The following KCNK1 variants were observed in gnomAD, a reference collection of about 807,000 sequenced individuals.
KCNK1 encodes the protein potassium channel subfamily K member 1.
Under a neutral mutation model 22.2 loss-of-function variants are expected in KCNK1, and 10 were observed. The observed-to-expected ratio is 0.45, with a 90% CI of 0.28 to 0.76. The LOEUF (loss-of-function observed/expected upper bound fraction) is 0.76. KCNK1 is among the 30% of genes least tolerant of loss of function. KCNK1 has a pLI of 0.14. For synonymous variants in KCNK1, 200 were observed against 186.4 expected (o/e 1.07, Z -0.60); for missense variants, 378 against 421.0 (o/e 0.90, Z 0.89).
chr1:233,651,731 G>A (rs944034770), intron 1 of KCNK1, among the ~76,000 whole-genome samples: 4 of 152,212 alleles, frequency 2.6e-5, no homozygotes, highest in Admixed American at 6.5e-5. Flanking sequence ...AGGCAGATGG[G>A]AGCAGGACGT....
At chr1:233,651,518 C>T (rs903628458) in intron 1 of KCNK1, among the ~76,000 whole-genome samples, 5 of 152,248 alleles carry the variant, frequency 3.3e-5, no homozygotes, top group Non-Finnish European at 7.4e-5. Context: ...CTTATCTTCA[C>T]TCTGTTGTCC....
intron 1 of KCNK1, among the ~76,000 whole-genome samples, chr1:233,643,452 G>A (rs1403796965): frequency 6.6e-6 from 1 of 152,190 alleles, no homozygotes; most frequent in Non-Finnish European, 1.5e-5. Flanking sequence ...CATTTTCTGT[G>A]ATGAGCTTCT....
At chr1:233,622,148 CTG>C (rs912377580) in intron 1 of KCNK1, among the ~76,000 whole-genome samples, 7 of 152,148 alleles carry the variant, frequency 4.6e-5, no homozygotes, top group Non-Finnish European at 5.9e-5. Flanking sequence ...TGGACTGTTG[CTG>C]TGTGTGAGTG....
intron 1 of KCNK1, 37 bp downstream of exon 1, chr1:233,614,563 A>C (rs1657448827): frequency 6.7e-7 from 1 of 1,481,920 alleles, no homozygotes; most frequent in Non-Finnish European, 9.1e-7. Flanking sequence ...CGCCCCGGCC[A>C]CCTCGCCCAC....
At position 233,666,972 on chromosome 1, in the gene KCNK1, T is replaced by C. The variant is rs1571906150; in HGVS notation, c.733T>C (p.Tyr245His). The change falls in exon 2 of 3, where the codon TAT becomes CAT. Residue 245 changes from tyrosine (Y) to histidine (H), a missense_variant. Tyr to His is a moderately conservative substitution (Grantham distance 83). Transcript: ENST00000366621. ...CTACAATCAAAAATTCAGAGAGCTCTATAAGATTGGGATCACGTGTGAGTA... is the reference window on the plus strand; with the variant it reads ...CTACAATCAAAAATTCAGAGAGCTCCATAAGATTGGGATCACGTGTGAGTA... ...EGYNQKFREL[Y>H]KIGITCYLLL... 1 of 1,611,510 alleles carries C rather than the reference T, an allele frequency of 6.2e-7. No individual in the cohort carries two copies.
chr1:233,632,291 T>C (rs1657811664), intron 1 of KCNK1, among the ~76,000 whole-genome samples: 1 of 152,176 alleles, frequency 6.6e-6, no homozygotes, highest in African/African-American at 2.4e-5. Flanking sequence ...TCTACTCTTT[T>C]TTTTCTCCCT....
At chr1:233,662,236 CTCCTT>C (rs1658406661) in intron 1 of KCNK1, among the ~76,000 whole-genome samples, 2 of 95,272 alleles carry the variant, frequency 2.1e-5, no homozygotes, top group African/African-American at 3.7e-5. Context: ...TCTTCTTCTT[CTCCTT>C]CTTCTTCTTC....
intron 1 of KCNK1, among the ~76,000 whole-genome samples, chr1:233,643,523 G>A (rs1010724366): frequency 6.6e-6 from 1 of 152,118 alleles, no homozygotes; most frequent in African/African-American, 2.4e-5. Context: ...CTCCTCCCAG[G>A]CAGTGCTTCT....
intron 2 of KCNK1, 149 bp downstream of exon 2, chr1:233,667,139 G>A (rs12742872): frequency 0.18 from 92,396 of 525,712 alleles, 8,715 homozygotes; most frequent in Admixed American, 0.25. Flanking sequence ...CGCCTTCCGG[G>A]TTCAAGGGAT....
chr1:233,643,973 T>A (rs1658046154), intron 1 of KCNK1, among the ~76,000 whole-genome samples: 1 of 152,238 alleles, frequency 6.6e-6, no homozygotes, highest in South Asian at 2.1e-4. Flanking sequence ...TCAGGAGGGT[T>A]CATGGTGCTT....
intron 1 of KCNK1, among the ~76,000 whole-genome samples, chr1:233,666,298 A>G (rs1402457895): frequency 6.6e-6 from 1 of 152,152 alleles, no homozygotes; most frequent in African/African-American, 2.4e-5. Context: ...TTAGCTTCTT[A>G]GTACACAGAA....
At chr1:233,637,924 T>A (rs1373354314) in intron 1 of KCNK1, among the ~76,000 whole-genome samples, 1 of 152,060 alleles carries the variant, frequency 6.6e-6, no homozygotes, top group East Asian at 1.9e-4. Context: ...GACTCAGTAG[T>A]ATATTTAATA....
At position 233,614,318 on chromosome 1, in the gene KCNK1, G is replaced by A. The variant is rs745572054; in HGVS notation, c.147G>A (p.Glu49=). ...TCTCCTCGGTGGAGCTGCCCTATGAGGACCTGCTGCGCCAGGAGCTGCGCA... is the reference window on the plus strand; with the variant it reads ...TCTCCTCGGTGGAGCTGCCCTATGAAGACCTGCTGCGCCAGGAGCTGCGCA... ...VVFSSVELPY[E]DLLRQELRKL... Residue 49 remains glutamate, a synonymous_variant, in exon 1 of 3, where the codon GAG becomes GAA. Transcript: ENST00000366621. The A allele has an allele frequency of 3.1e-6, 5 of 1,612,232 alleles. No individual in the cohort carries two copies. In the African/African-American group the frequency reaches 4.0e-5, roughly 13 times the overall value.
chr1:233,653,937 G>A (rs1319391954), intron 1 of KCNK1, among the ~76,000 whole-genome samples: 1 of 152,150 alleles, frequency 6.6e-6, no homozygotes, highest in Non-Finnish European at 1.5e-5. Flanking sequence ...TTGGAAATGG[G>A]TAATGGGTAG....
Position 233,614,122 on chromosome 1 carries a change from C to A in KCNK1, c.-50C>A. The A allele has an allele frequency of 2.3e-6, 3 of 1,319,972 alleles. No individual in the cohort carries two copies. The highest frequency in any genetic ancestry group is 2.9e-6 in the Non-Finnish European group (3 of 1,021,702). 81.8% of individuals were successfully genotyped at this position (1,319,972 alleles called of 1,614,324 possible). On this transcript the variant is annotated 5_prime_UTR_variant, in exon 1 of 3. Coordinates refer to ENST00000366621, the MANE Select transcript of KCNK1 (RefSeq NM_002245.4). ...GGCGGGGCCAGAAGAGGCGGCGGGC[C>A]GCGCTCCGGCCGGTCTGCGGCGTTG...
At chr1:233,630,513 C>T (rs982038613) in intron 1 of KCNK1, 1 of 152,106 alleles carries the variant, frequency 6.6e-6, no homozygotes, top group African/African-American at 2.4e-5. Context: ...TCTAGGGCTC[C>T]CAATATTACA....
chr1:233,649,088 C>T (rs1658153833), intron 1 of KCNK1, among the ~76,000 whole-genome samples: 1 of 152,186 alleles, frequency 6.6e-6, no homozygotes, highest in African/African-American at 2.4e-5. Flanking sequence ...GTCCTGTCAG[C>T]ATAGTCAAAC....
intron 1 of KCNK1, among the ~76,000 whole-genome samples, chr1:233,657,813 G>C (rs901636858): frequency 6.7e-6 from 1 of 148,942 alleles, no homozygotes; most frequent in Non-Finnish European, 1.5e-5. Context: ...TAACTTAAAA[G>C]TGTTAATTTT....
chr1:233,618,587 G>A (rs1381332928), intron 1 of KCNK1, among the ~76,000 whole-genome samples: 1 of 152,124 alleles, frequency 6.6e-6, no homozygotes, highest in African/African-American at 2.4e-5. Context: ...CAACTGTTGG[G>A]TAAAAATACA....
Sources: allele counts gnomAD v4.1 joint callset (sites outside exome capture counted in the v4.1 genomes callset), GRCh38; gene constraint gnomAD v4.1.1; transcripts MANE v1.5; gene names NCBI Gene and HGNC (gene_info 2026-07-23, HGNC 2026-07-21).